Variants in DOCK1 observed in about 807,000 individuals in gnomAD.
The protein encoded by DOCK1 is dedicator of cytokinesis protein 1.
In DOCK1, 138 loss-of-function variants were observed where a neutral mutation model predicts 262.7. The observed-to-expected ratio is 0.53, with a 90% CI of 0.46 to 0.61. The LOEUF is 0.61. Ranked by LOEUF, DOCK1 falls within the 20% of genes least tolerant of loss-of-function variation. The pLI is 0.00. For synonymous variants in DOCK1, 866 were observed against 867.4 expected (o/e 1.00, Z 0.03); for missense variants, 1,908 against 2,370.7 (o/e 0.80, Z 4.05).
intron 29 of DOCK1, among the ~76,000 whole-genome samples, chr10:127,285,636 G>C (rs1368912557): frequency 6.6e-6 from 1 of 152,228 alleles, no homozygotes; most frequent in Admixed American, 6.5e-5. Context: ...CATGTCCAGA[G>C]AGTGAGGCAT....
At chr10:127,392,524 A>C (rs1339590877) in intron 38 of DOCK1, among the ~76,000 whole-genome samples, 2 of 152,174 alleles carry the variant, frequency 1.3e-5, no homozygotes, top group African/African-American at 4.8e-5. Flanking sequence ...CCCCCTGCCC[A>C]CACACATACA....
intron 10 of DOCK1, among the ~76,000 whole-genome samples, chr10:127,004,905 A>G (rs1219118234): frequency 1.3e-5 from 2 of 152,086 alleles, no homozygotes; most frequent in Admixed American, 1.3e-4. Context: ...GTTTGCTGCC[A>G]CCAGACTACC....
At chr10:126,935,888 G>A (rs1392742070) in intron 1 of DOCK1, among the ~76,000 whole-genome samples, 2 of 152,364 alleles carry the variant, frequency 1.3e-5, no homozygotes, top group South Asian at 2.1e-4. Flanking sequence ...TTGAATGGAC[G>A]AGGCTGAAAT....
At chr10:127,273,349 G>A (rs994510005) in intron 29 of DOCK1, among the ~76,000 whole-genome samples, 1 of 152,148 alleles carries the variant, frequency 6.6e-6, no homozygotes, top group Non-Finnish European at 1.5e-5. Context: ...AGCTAAGGAA[G>A]TCTAGGCAGC....
chr10:127,379,978 T>A, intron 35 of DOCK1, 104 bp from the exon 36 acceptor site: 1 of 783,322 alleles, frequency 1.3e-6, no homozygotes, highest in Non-Finnish European at 2.2e-6. Context: ...TGGGTCCATT[T>A]GGCTGTGTTT....
chr10:127,146,876 G>T (rs952076759), intron 27 of DOCK1, among the ~76,000 whole-genome samples: 1 of 152,164 alleles, frequency 6.6e-6, no homozygotes, highest in Non-Finnish European at 1.5e-5. Context: ...TTAACAATAG[G>T]TCTCCATTAG....
intron 23 of DOCK1, among the ~76,000 whole-genome samples, chr10:127,099,243 T>C (rs2048089876): frequency 6.6e-6 from 1 of 151,978 alleles, no homozygotes; most frequent in African/African-American, 2.4e-5. Flanking sequence ...TCATGGAGGG[T>C]CGACTTCCCA....
At chr10:127,388,590 C>T (rs1008529159) in intron 38 of DOCK1, among the ~76,000 whole-genome samples, 2 of 152,232 alleles carry the variant, frequency 1.3e-5, no homozygotes, top group African/African-American at 4.8e-5. Flanking sequence ...CTCCGAATCT[C>T]CATGGCTCCA....
chr10:126,917,525 G>T (rs1227359435), intron 1 of DOCK1, among the ~76,000 whole-genome samples: 1 of 152,158 alleles, frequency 6.6e-6, no homozygotes, highest in Non-Finnish European at 1.5e-5. Context: ...TGGGTGCCTG[G>T]CTGGTCCCCG....
At chr10:127,170,833 A>C (rs2054505804) in intron 27 of DOCK1, among the ~76,000 whole-genome samples, 1 of 152,236 alleles carries the variant, frequency 6.6e-6, no homozygotes, top group South Asian at 2.1e-4. Context: ...ACACAAGCAT[A>C]ATACTAAGAG....
At chr10:127,418,575 G>C in intron 45 of DOCK1, 34 bp downstream of exon 45, 1 of 1,593,386 alleles carries the variant, frequency 6.3e-7, no homozygotes, top group Non-Finnish European at 8.5e-7. Flanking sequence ...TGGGCAAGCA[G>C]TCCTGCCCGG....
At chr10:127,264,689 C>T (rs1244669751) in intron 29 of DOCK1, among the ~76,000 whole-genome samples, 1 of 151,848 alleles carries the variant, frequency 6.6e-6, no homozygotes, top group African/African-American at 2.4e-5. Flanking sequence ...AAGACAGGGT[C>T]TCACTCTGTT....
intron 27 of DOCK1, among the ~76,000 whole-genome samples, chr10:127,152,462 T>C (rs1411649489): frequency 6.6e-6 from 1 of 152,246 alleles, no homozygotes; most frequent in Non-Finnish European, 1.5e-5. Flanking sequence ...GCCAGGCTGC[T>C]GCAGGGGCCC....
chr10:126,929,225 AT>A (rs1475160677), intron 1 of DOCK1, among the ~76,000 whole-genome samples: 19 of 152,122 alleles, frequency 1.2e-4, no homozygotes, highest in Non-Finnish European at 2.2e-4. Flanking sequence ...GGGATGAACC[AT>A]TTTCCCCAGA....
chr10:127,387,943 G>A (rs1033188596), intron 38 of DOCK1, among the ~76,000 whole-genome samples: 7 of 150,902 alleles, frequency 4.6e-5, no homozygotes, highest in African/African-American at 9.8e-5. Context: ...GGGGCAAAAC[G>A]AATGTGTTCG....
chr10:127,077,710 A>G (rs2046653430), intron 23 of DOCK1, among the ~76,000 whole-genome samples: 1 of 152,196 alleles, frequency 6.6e-6, no homozygotes, highest in African/African-American at 2.4e-5. Flanking sequence ...CGACCCCCCA[A>G]ATAGATGACA....
At position 127,421,008 on chromosome 10, in the gene DOCK1, C is replaced by T. The variant is rs927958128; in HGVS notation, c.4776+1259C>T. ...CTCAGCTTACTGCAACCTCCTCCTC[C>T]GGGGTTCAAGTGATTCTCCTGCCTT... On this transcript the variant is annotated intron_variant, in intron 46 of 51. Transcript: ENST00000623213. Among the ~76,000 whole-genome samples, 6 of 151,784 alleles carry T rather than the reference C, an allele frequency of 4.0e-5. No individual in the cohort carries two copies. In the South Asian group the frequency reaches 8.3e-4, roughly 21 times the overall value.
chr10:127,293,409 G>A (rs1368565470), intron 29 of DOCK1, among the ~76,000 whole-genome samples: 1 of 152,218 alleles, frequency 6.6e-6, no homozygotes, highest in Non-Finnish European at 1.5e-5. Flanking sequence ...TGCCATGAAG[G>A]AGTGCTGCTG....
chr10:127,258,863 TC>T (rs1031679738), intron 29 of DOCK1, among the ~76,000 whole-genome samples: 7 of 152,232 alleles, frequency 4.6e-5, no homozygotes, highest in Non-Finnish European at 8.8e-5. Flanking sequence ...AAATTGAATT[TC>T]CTGTGATGGC....
Sources: allele counts gnomAD v4.1 joint callset (sites outside exome capture counted in the v4.1 genomes callset), GRCh38; gene constraint gnomAD v4.1.1; transcripts MANE v1.5; gene names NCBI Gene and HGNC (gene_info 2026-07-23, HGNC 2026-07-21).